Variants in CFAP70 observed in about 807,000 individuals in gnomAD.
The protein encoded by CFAP70 is cilia- and flagella-associated protein 70.
CFAP70 carries 81 observed loss-of-function variants against 137.6 expected under a neutral mutation model. The observed-to-expected ratio is 0.59, with a 90% CI of 0.49 to 0.71. The LOEUF (loss-of-function observed/expected upper bound fraction) is 0.71. Ranked by LOEUF, CFAP70 falls within the 30% of genes least tolerant of loss-of-function variation. The pLI is 0.00. For synonymous variants in CFAP70, 382 were observed against 423.6 expected (o/e 0.90, Z 1.20); for missense variants, 976 against 1,226.7 (o/e 0.80, Z 3.05).
intron 3 of CFAP70, among the ~76,000 whole-genome samples, chr10:73,352,883 T>A (rs2210432): frequency 1.2e-4 from 18 of 152,352 alleles, no homozygotes; most frequent in African/African-American, 4.1e-4. Flanking sequence ...TTTTTATTTG[T>A]CCCATGAATG....
At position 73,322,985 on chromosome 10, in the gene CFAP70, A is replaced by AG; in HGVS notation, c.889dup (p.Leu297ProfsTer7). ...TACCTTTTCATGGACTACACTGTCT[A>AG]GGTAAGGGTAAACATGAAAAGCTCC... On this transcript the variant is annotated frameshift_variant, in exon 9 of 27. Transcript: ENST00000310715. LOFTEE classifies it high-confidence loss of function. 1 of 1,612,984 alleles carries AG rather than the reference A, an allele frequency of 6.2e-7. No homozygotes were observed. Among genetic ancestry groups the AG allele is most frequent in the Non-Finnish European group, 8.5e-7 (1 of 1,179,558 alleles).
intron 25 of CFAP70, among the ~76,000 whole-genome samples, chr10:73,257,397 A>G (rs1435010244): frequency 6.6e-6 from 1 of 152,224 alleles, no homozygotes; most frequent in African/African-American, 2.4e-5. Flanking sequence ...CTTTGCATGA[A>G]GCACTCCTCC....
chr10:73,269,795 C>G, intron 24 of CFAP70, 80 bp from the exon 26 acceptor site: 1 of 763,186 alleles, frequency 1.3e-6, no homozygotes. Flanking sequence ...ATGACCTATA[C>G]CAATGGTTTT....
intron 16 of CFAP70, 116 bp downstream of exon 17, chr10:73,293,146 AT>A: frequency 8.7e-7 from 1 of 1,145,304 alleles, no homozygotes; most frequent in Non-Finnish European, 1.2e-6. Flanking sequence ...TTTGGACTTT[AT>A]TGTTCTATGT....
chr10:73,350,979 G>A (rs1250419638), intron 3 of CFAP70, among the ~76,000 whole-genome samples: 17 of 147,862 alleles, frequency 1.1e-4, no homozygotes, highest in Non-Finnish European at 1.9e-4. Flanking sequence ...ATGTATGTGT[G>A]TGTGTATATA....
intron 25 of CFAP70, among the ~76,000 whole-genome samples, chr10:73,261,357 C>T (rs190487895): frequency 6.6e-6 from 1 of 152,212 alleles, no homozygotes; most frequent in African/African-American, 2.4e-5. Flanking sequence ...CTGATAAAGA[C>T]ATACCAGAGA....
intron 1 of CFAP70, among the ~76,000 whole-genome samples, chr10:73,355,654 G>A (rs768510562): frequency 6.6e-6 from 1 of 152,162 alleles, no homozygotes; most frequent in Non-Finnish European, 1.5e-5. Context: ...GCACATGCCT[G>A]TAAGTCCCAG....
chr10:73,362,729 CTTCT>C (rs943147053), upstream of CFAP70, among the ~76,000 whole-genome samples: 6 of 152,048 alleles, frequency 3.9e-5, no homozygotes, highest in African/African-American at 7.2e-5. Context: ...GGAAGTTTGA[CTTCT>C]TTCTTTCCAA....
intron 12 of CFAP70, among the ~76,000 whole-genome samples, chr10:73,309,888 C>T (rs2049763595): frequency 6.6e-6 from 1 of 152,028 alleles, no homozygotes; most frequent in African/African-American, 2.4e-5. Flanking sequence ...AACTCCTGAG[C>T]TCAGGCAATC....
chr10:73,254,250 TTTAC>T (rs1459733377), intron 26 of CFAP70, 195 bp from the exon 28 acceptor site: 1 of 391,490 alleles, frequency 2.6e-6, no homozygotes, highest in African/African-American at 2.0e-5. Flanking sequence ...CATGGATATG[TTTAC>T]TTTGTGAAAA....
intron 2 of CFAP70, 111 bp from the exon 3 acceptor site, chr10:73,353,853 C>T (rs534801576): frequency 1.3e-4 from 119 of 902,416 alleles, no homozygotes; most frequent in East Asian, 1.8e-4. Flanking sequence ...TTTTTCCTAA[C>T]GAGCAACATC....
rs192384718 is a variant in CFAP70 at position 73,316,268 on chromosome 10, C to T, written c.913-3625G>A. 1.2e-4 allele frequency among the ~76,000 whole-genome samples: 18 copies of T among 151,580 alleles called. No homozygotes were observed. The East Asian group carries it at 3.5e-3, about 29-fold the overall frequency. On this transcript the variant is annotated intron_variant, in intron 9 of 26. Transcript: ENST00000310715. ...GTTGAATCTTGATTTTTTTGTAAAT[C>T]CAATTTAATAATTTCTATCCTTTTA...
intron 24 of CFAP70, 88 bp downstream of exon 25, chr10:73,272,840 T>A: frequency 8.6e-7 from 1 of 1,166,214 alleles, no homozygotes; most frequent in East Asian, 2.6e-5. Context: ...TATTCCAATG[T>A]CATCACAAAC....
chr10:73,351,142 G>A (rs1470698353), intron 3 of CFAP70, among the ~76,000 whole-genome samples: 4 of 112,104 alleles, frequency 3.6e-5, no homozygotes, highest in Non-Finnish European at 7.2e-5. Flanking sequence ...TTTGTGAGAC[G>A]GAGTCTTGCT....
intron 7 of CFAP70, 117 bp from the exon 9 acceptor site, chr10:73,331,393 T>TG (rs931721030): frequency 2.3e-6 from 2 of 870,036 alleles, no homozygotes; most frequent in Non-Finnish European, 3.4e-6. Flanking sequence ...ATATAAAAAT[T>TG]GGGGGGCTCG....
chr10:73,348,168 T>C, intron 4 of CFAP70: 1 of 1,614,114 alleles, frequency 6.2e-7, no homozygotes. Flanking sequence ...TAGCACTTGA[T>C]CTAGGAGTTT....
At chr10:73,283,133 C>A (rs1379231871) in intron 19 of CFAP70, among the ~76,000 whole-genome samples, 2 of 152,152 alleles carry the variant, frequency 1.3e-5, no homozygotes, top group Non-Finnish European at 2.9e-5. Context: ...AGCCACCACA[C>A]CTGGCCAGAT....
rs140163805 is a variant in CFAP70 at position 73,353,703 on chromosome 10, C to A, written c.103G>T (p.Ala35Ser). ...CCCAGAACCACTTGATTGAATTCTG[C>A]TCGAATAAAGGTAACTGGAGTATCT... The change falls in exon 3 of 27, where the codon GCA (alanine) becomes TCA (serine). Residue 35 changes from alanine (A) to serine (S), a missense_variant. Coordinates refer to ENST00000310715, the Ensembl canonical transcript of CFAP70. 52 of 1,614,032 alleles carry A rather than the reference C, an allele frequency of 3.2e-5. 1 individual carries two copies. Among genetic ancestry groups the A allele is most frequent in the Non-Finnish European group, 4.1e-5 (48 of 1,180,038 alleles).
At chr10:73,361,741 C>T (rs2055018253), upstream of CFAP70, among the ~76,000 whole-genome samples, 1 of 152,130 alleles carries the variant, frequency 6.6e-6, no homozygotes, top group South Asian at 2.1e-4. Context: ...TTCTAATTAG[C>T]TAATTTGTTA....
Sources: gnomAD v4.1 joint callset for allele counts (sites outside exome capture counted in the v4.1 genomes callset) on GRCh38, gnomAD v4.1.1 for gene constraint, MANE v1.5 for transcripts, NCBI Gene and HGNC (gene_info 2026-07-23, HGNC 2026-07-21) for gene names.